Variants in QPCT observed in about 807,000 individuals in gnomAD.
QPCT encodes the protein glutaminyl-peptide cyclotransferase.
Under a neutral mutation model 43.4 loss-of-function variants are expected in QPCT, and 44 were observed. The observed-to-expected ratio is 1.01, with a 90% CI of 0.80 to 1.30. QPCT has a LOEUF of 1.30. Ranked by LOEUF, QPCT falls within the 50% of genes most tolerant of loss-of-function variation. The pLI, the probability that QPCT is intolerant of heterozygous loss-of-function variation, is 0.00. For missense variants in QPCT, 526 were observed against 436.5 expected, an observed-to-expected ratio of 1.21 and a Z score of -1.83; for synonymous variants, 168 against 168.4, an observed-to-expected ratio of 1.00 and a Z score of 0.02.
At chr2:37,357,883 GA>G (rs144023082) in intron 2 of QPCT, among the ~76,000 whole-genome samples, 18,907 of 148,258 alleles carry the variant, frequency 0.13, 3,603 homozygotes, top group African/African-American at 0.42. Flanking sequence ...TTCTTAGGAG[GA>G]AAAAAAAAAT....
At chr2:37,344,878 A>T (rs773224563) in intron 1 of QPCT, 27 bp downstream of exon 1, 1 of 1,555,000 alleles carries the variant, frequency 6.4e-7, no homozygotes, top group Non-Finnish European at 8.7e-7. Flanking sequence ...GCGTAGTTGT[A>T]CTTGAGCGGC....
At chr2:37,366,370 C>T (rs1672959868) in intron 3 of QPCT, among the ~76,000 whole-genome samples, 1 of 152,170 alleles carries the variant, frequency 6.6e-6, no homozygotes, top group African/African-American at 2.4e-5. Flanking sequence ...TTCTAGAGGA[C>T]TTTAATGTTA....
chr2:37,367,197 T>C, intron 3 of QPCT, 35 bp from the exon 4 acceptor site: 1 of 1,567,652 alleles, frequency 6.4e-7, no homozygotes, highest in South Asian at 1.2e-5. Flanking sequence ...CATCACAGTA[T>C]TTTTTTGCTA....
intron 2 of QPCT, among the ~76,000 whole-genome samples, chr2:37,354,909 G>T (rs1672709217): frequency 6.6e-6 from 1 of 152,012 alleles, no homozygotes; most frequent in Non-Finnish European, 1.5e-5. Flanking sequence ...TTCTTTGCCT[G>T]CAGGCTCTGG....
chr2:37,352,425 G>A (rs1572729322), intron 1 of QPCT, among the ~76,000 whole-genome samples: 1 of 152,160 alleles, frequency 6.6e-6, no homozygotes, highest in East Asian at 1.9e-4. Context: ...CTGGGCTCAA[G>A]CAATCCTCCC....
In QPCT at chr2:37,359,644, G is replaced by T; in HGVS notation, c.332G>T (p.Ser111Ile). 1 of 1,614,090 alleles carries T rather than the reference G, an allele frequency of 6.2e-7. No homozygotes were observed. The highest frequency in any genetic ancestry group is 8.5e-7 in the Non-Finnish European group (1 of 1,179,976). Residue 111 changes from serine to isoleucine, a missense_variant, in exon 3 of 7, where the codon AGT becomes ATT. Ser to Ile is a moderately radical substitution (Grantham distance 142). Coordinates refer to ENST00000338415, the MANE Select transcript of QPCT (RefSeq NM_012413.4). ...GTCTTGGAAATAGACACCTTCTTGA[G>T]TCAGACACCCTATGGGTACCGGTCT... The part of the protein sequence containing the change: ...DWVLEIDTFL[S>I]QTPYGYRSFS...
rs922200146 is a variant in QPCT at position 37,369,773 on chromosome 2, T to C, written c.812T>C (p.Leu271Pro). The C allele has an allele frequency of 1.3e-6, 2 of 1,578,084 alleles. No homozygotes were observed. The highest frequency in any genetic ancestry group is 2.7e-5 in the African/African-American group (2 of 74,150). ...FPNSARWFER[L>P]QAIEHELHEL... The stretch of plus-strand genomic sequence containing the variant: ...AACTCAGCCAGGTGGTTCGAAAGAC[T>C]TCAAGCAATTGGTAAGCACCACTGT... Residue 271 changes from leucine to proline, a missense_variant, in exon 5 of 7, where the codon CTT becomes CCT. Leu to Pro is a moderately conservative substitution (Grantham distance 98). Coordinates refer to ENST00000338415, the MANE Select transcript of QPCT (RefSeq NM_012413.4).
chr2:37,370,053 C>T (rs1406853669), intron 5 of QPCT, among the ~76,000 whole-genome samples: 2 of 151,934 alleles, frequency 1.3e-5, no homozygotes, highest in East Asian at 1.9e-4. Flanking sequence ...GGTGTGGTGG[C>T]GGGCACCTGT....
At chr2:37,354,162 C>G (rs1364296577) in intron 2 of QPCT, among the ~76,000 whole-genome samples, 1 of 152,254 alleles carries the variant, frequency 6.6e-6, no homozygotes, top group Non-Finnish European at 1.5e-5. Context: ...CCGCGTCCGG[C>G]TGAGCTCTTC....
intron 1 of QPCT, among the ~76,000 whole-genome samples, chr2:37,348,082 G>A (rs1410837380): frequency 6.6e-6 from 1 of 152,122 alleles, no homozygotes; most frequent in Non-Finnish European, 1.5e-5. Context: ...GTGTGTGTGT[G>A]TGTGTGTTAT....
intron 5 of QPCT, among the ~76,000 whole-genome samples, chr2:37,371,429 C>T (rs1414134332): frequency 1.6e-5 from 1 of 62,198 alleles, no homozygotes; most frequent in African/African-American, 8.8e-5. Flanking sequence ...GAGACTCCAT[C>T]TCAAAAAAAA....
chr2:37,355,050 G>A (rs1672712114), intron 2 of QPCT, among the ~76,000 whole-genome samples: 2 of 152,168 alleles, frequency 1.3e-5, no homozygotes, highest in Admixed American at 6.5e-5. Flanking sequence ...TGTTACTGAA[G>A]TTTCAGTAAC....
intron 3 of QPCT, among the ~76,000 whole-genome samples, chr2:37,364,309 T>C (rs143630477): frequency 1.3e-5 from 2 of 152,018 alleles, no homozygotes; most frequent in Non-Finnish European, 1.5e-5. Context: ...GGGTCCCATA[T>C]AGGAGAGGCA....
At chr2:37,355,080 G>C (rs1419254940) in intron 2 of QPCT, among the ~76,000 whole-genome samples, 1 of 152,144 alleles carries the variant, frequency 6.6e-6, no homozygotes, top group East Asian at 1.9e-4. Context: ...TATCATATGG[G>C]GGTGGAGGCA....
intron 1 of QPCT, among the ~76,000 whole-genome samples, chr2:37,346,460 A>T (rs1217021222): frequency 6.6e-6 from 1 of 152,204 alleles, no homozygotes; most frequent in South Asian, 2.1e-4. Flanking sequence ...ATCTAAATGG[A>T]AGGGAATAAA....
Position 37,372,886 on chromosome 2 carries a change from A to G in QPCT, c.*59A>G. 3 of 1,433,076 alleles carry G rather than the reference A, an allele frequency of 2.1e-6. No individual in the cohort carries two copies. The highest frequency in any genetic ancestry group is 2.9e-6 in the Non-Finnish European group (3 of 1,050,526). The allele number at this position is 1,433,076 out of a possible 1,614,324, so 88.8% of individuals were successfully genotyped here. ...AATTGAATTCAAAAGTCAAGGCATC[A>G]TTTAAAATAATCTGATTTCAGACAA... On this transcript the variant is annotated 3_prime_UTR_variant, in exon 7 of 7. Transcript: ENST00000338415.
intron 1 of QPCT, among the ~76,000 whole-genome samples, chr2:37,352,385 A>G (rs1018160213): frequency 3.3e-5 from 5 of 152,178 alleles, no homozygotes; most frequent in Admixed American, 6.5e-5. Context: ...TGGAGGGCTC[A>G]GTAACACAGC....
chr2:37,348,060 ACG>A (rs766502599), intron 1 of QPCT, among the ~76,000 whole-genome samples: 1,199 of 105,108 alleles, frequency 0.011, 7 homozygotes, highest in Non-Finnish European at 0.015. Context: ...CTGCGCGCGC[ACG>A]CGTGTGTGTG....
At chr2:37,348,808 C>A (rs758045302) in intron 1 of QPCT, among the ~76,000 whole-genome samples, 14 of 152,196 alleles carry the variant, frequency 9.2e-5, no homozygotes, top group Non-Finnish European at 1.8e-4. Flanking sequence ...CCTCTGAGAA[C>A]ACCTGCACCA....
Sources: gnomAD v4.1 joint callset for allele counts (sites outside exome capture counted in the v4.1 genomes callset) on GRCh38, gnomAD v4.1.1 for gene constraint, MANE v1.5 for transcripts, NCBI Gene and HGNC (gene_info 2026-07-23, HGNC 2026-07-21) for gene names.